PCDHA6: variants seen among roughly 807,000 people sequenced by gnomAD.
PCDHA6 encodes the protein protocadherin alpha 6.
A neutral mutation model predicts 60.3 loss-of-function variants in PCDHA6; 55 were observed. That is an observed-to-expected ratio of 0.91 (90% CI 0.73 to 1.14). PCDHA6 has a LOEUF of 1.14. Among genes scored for constraint, PCDHA6 ranks in the 50% most tolerant of loss-of-function variants. PCDHA6 has a pLI of 0.00. For synonymous variants in PCDHA6, 652 were observed against 557.9 expected (o/e 1.17, Z -2.38); for missense variants, 1,327 against 1,256.5 (o/e 1.06, Z -0.85).
intron 1 of PCDHA6, among the ~76,000 whole-genome samples, chr5:140,953,290 A>G (rs1554220852): frequency 1.3e-5 from 2 of 152,124 alleles, no homozygotes; most frequent in Admixed American, 6.6e-5. Context: ...TATGTGATTC[A>G]GGGACGGCAG....
intron 1 of PCDHA6, among the ~76,000 whole-genome samples, chr5:140,891,792 G>A (rs2063250974): frequency 6.6e-6 from 1 of 152,152 alleles, no homozygotes; most frequent in Non-Finnish European, 1.5e-5. Flanking sequence ...TAGATTATGA[G>A]GGATCTGCCC....
At chr5:140,908,422 C>T (rs1403455941) in intron 1 of PCDHA6, among the ~76,000 whole-genome samples, 1 of 152,176 alleles carries the variant, frequency 6.6e-6, no homozygotes, top group Non-Finnish European at 1.5e-5. Context: ...TGATGGAATG[C>T]TGCTGTGCGC....
rs781859537 is a variant in PCDHA6, at chr5:140,858,340, G to A, written c.2394+27855G>A. Reference sequence around the variant, plus strand: ...TGTGTTCTGGGGAGGGCCTGCCCAAGGCGGACCTCATGGCCTTCAGCCCCA... The same window carrying A: ...TGTGTTCTGGGGAGGGCCTGCCCAAAGCGGACCTCATGGCCTTCAGCCCCA... On this transcript the variant is annotated intron_variant, in intron 1 of 3. Coordinates refer to ENST00000529310, the MANE Select transcript of PCDHA6 (RefSeq NM_018909.4). The A allele has an allele frequency of 1.2e-5, 19 of 1,595,540 alleles. No individual in the cohort carries two copies. In the South Asian group the frequency reaches 1.3e-4, roughly 11 times the overall value.
chr5:141,009,494 A>G (rs1554262180), intron 3 of PCDHA6, 133 bp from the exon 4 acceptor site: 16 of 1,488,800 alleles, frequency 1.1e-5, no homozygotes, highest in Non-Finnish European at 1.4e-5. Flanking sequence ...TTGCCCTCAG[A>G]CTTGAACAAA....
chr5:140,857,295 G>A, intron 1 of PCDHA6: 1 of 1,598,726 alleles, frequency 6.3e-7, no homozygotes, highest in Non-Finnish European at 8.6e-7. Flanking sequence ...GACCGCGAGA[G>A]GGTGTCGGCC....
At chr5:140,867,366 T>C (rs1478062885) in intron 1 of PCDHA6, 2 of 152,156 alleles carry the variant, frequency 1.3e-5, no homozygotes, top group African/African-American at 4.8e-5. Flanking sequence ...ATTTTACAGA[T>C]GCGTAATGGA....
At chr5:140,957,373 T>G (rs906109440) in intron 1 of PCDHA6, among the ~76,000 whole-genome samples, 1 of 152,192 alleles carries the variant, frequency 6.6e-6, no homozygotes, top group Non-Finnish European at 1.5e-5. Flanking sequence ...ACTTTTATTA[T>G]AGTGTATTGT....
rs2150435239 is a variant in PCDHA6, at chr5:140,849,330, T to C, written c.2394+18845T>C. On this transcript the variant is annotated intron_variant, in intron 1 of 3. Transcript: ENST00000529310. Reference sequence around the variant, plus strand: ...CGAAGGCTTGAATGGGGATATTATTTACTCCTTCTCCAGTGATGTTTCTCC... The same window carrying C: ...CGAAGGCTTGAATGGGGATATTATTCACTCCTTCTCCAGTGATGTTTCTCC... 7 of 1,375,184 alleles carry C rather than the reference T, an allele frequency of 5.1e-6. No individual in the cohort carries two copies. In the South Asian group the frequency reaches 8.9e-5, roughly 17 times the overall value. 85.2% of individuals were successfully genotyped at this position (1,375,184 alleles called of 1,614,324 possible).
chr5:140,842,561 G>T (rs2150339210), intron 1 of PCDHA6: 1 of 1,492,420 alleles, frequency 6.7e-7, no homozygotes, highest in South Asian at 1.2e-5. Flanking sequence ...CAGCGCCCTG[G>T]ACCGCGAGAG....
At chr5:140,969,968 G>A (rs935403265) in intron 1 of PCDHA6, among the ~76,000 whole-genome samples, 2 of 152,200 alleles carry the variant, frequency 1.3e-5, no homozygotes, top group Non-Finnish European at 2.9e-5. Flanking sequence ...GCTGTATGAT[G>A]TGGCAACTCT....
At chr5:140,870,423 A>G in intron 1 of PCDHA6, 2 of 1,614,178 alleles carry the variant, frequency 1.2e-6, no homozygotes, top group African/African-American at 1.3e-5. Flanking sequence ...CGGCCAGGGT[A>G]TCCGTGGAGG....
chr5:140,834,543 C>A (rs1580783721), intron 1 of PCDHA6: 2 of 1,614,086 alleles, frequency 1.2e-6, no homozygotes, highest in Non-Finnish European at 1.7e-6. Flanking sequence ...GGACCTGGGG[C>A]TGGAGCTGGC....
intron 1 of PCDHA6, among the ~76,000 whole-genome samples, chr5:140,945,587 C>A (rs2093812111): frequency 6.6e-6 from 1 of 152,052 alleles, no homozygotes; most frequent in African/African-American, 2.4e-5. Context: ...TCAAAATATA[C>A]TTCAAAGCTA....
rs143767190 is a variant in PCDHA6, at chr5:140,836,000, T to C, written c.2394+5515T>C. 1,476 of 1,613,102 alleles carry C rather than the reference T, an allele frequency of 9.2e-4. 25 individuals are homozygous for C. In the East Asian group the frequency reaches 0.013, roughly 14 times the overall value. On this transcript the variant is annotated intron_variant, in intron 1 of 3. Transcript: ENST00000529310. ...TGCAGTTCCAGGTGAGCGCGCGCGATGCGGGCGTGCCGCCTCTGGGCAGCA... is the reference window on the plus strand; with the variant it reads ...TGCAGTTCCAGGTGAGCGCGCGCGACGCGGGCGTGCCGCCTCTGGGCAGCA...
At chr5:140,837,816 A>G (rs1775270589) in intron 1 of PCDHA6, among the ~76,000 whole-genome samples, 1 of 151,680 alleles carries the variant, frequency 6.6e-6, no homozygotes, top group Non-Finnish European at 1.5e-5. Flanking sequence ...AGCTGGGAAT[A>G]CAGTTTGCAT....
At chr5:140,864,237 C>G (rs2048381218) in intron 1 of PCDHA6, 2 of 152,002 alleles carry the variant, frequency 1.3e-5, no homozygotes, top group Non-Finnish European at 2.9e-5. Flanking sequence ...GTTCTTTATT[C>G]CTATTCATTT....
chr5:141,007,935 C>G (rs2098352677), intron 3 of PCDHA6, among the ~76,000 whole-genome samples: 1 of 152,176 alleles, frequency 6.6e-6, no homozygotes, highest in African/African-American at 2.4e-5. Flanking sequence ...GAATTCTAAG[C>G]CACCTTTTTG....
chr5:140,968,257 T>C (rs781932747), intron 1 of PCDHA6: 2 of 1,613,946 alleles, frequency 1.2e-6, no homozygotes, highest in East Asian at 2.2e-5. Context: ...CAGACCCAGA[T>C]GAAAAGGAGA....
rs782647258 is a variant in PCDHA6 at position 140,869,948 on chromosome 5, T to A, written c.2394+39463T>A. The A allele has an allele frequency of 3.7e-6, 6 of 1,612,586 alleles. No individual in the cohort carries two copies. The South Asian group carries it at 5.5e-5, about 15-fold the overall frequency. ...AATGGAGAGGTAACATACTCCTTAA[T>A]GTCAATTAAGCCCAATGGAAGACAC... On this transcript the variant is annotated intron_variant, in intron 1 of 3. Coordinates refer to ENST00000529310, the MANE Select transcript of PCDHA6 (RefSeq NM_018909.4).
Sources: allele counts gnomAD v4.1 joint callset (sites outside exome capture counted in the v4.1 genomes callset), GRCh38; gene constraint gnomAD v4.1.1; transcripts MANE v1.5; gene names NCBI Gene and HGNC (gene_info 2026-07-23, HGNC 2026-07-21).